TAFA2: variants seen among roughly 807,000 people sequenced by gnomAD.
The protein encoded by TAFA2 is TAFA chemokine like family member 2, also known as chemokine-like protein TAFA-2.
TAFA2 carries 7 observed loss-of-function variants against 18.8 expected under a neutral mutation model. The observed-to-expected ratio is 0.37, with a 90% CI of 0.21 to 0.70. The LOEUF (loss-of-function observed/expected upper bound fraction) is 0.70, where lower values mean the gene tolerates loss of function less well. TAFA2 is among the 30% of genes least tolerant of loss of function. The probability of loss-of-function intolerance (pLI) is 0.53; values close to 1 mark genes in which losing one functional copy is unlikely to be tolerated. For synonymous variants in TAFA2, 60 were observed against 54.2 expected, an observed-to-expected ratio of 1.11 and a Z score of -0.47; for missense variants, 122 against 158.1, an observed-to-expected ratio of 0.77 and a Z score of 1.23.
chr12:61,971,162 C>A (rs1879234027), intron 1 of TAFA2, among the ~76,000 whole-genome samples: 1 of 151,504 alleles, frequency 6.6e-6, no homozygotes, highest in South Asian at 2.1e-4. Context: ...GAAAATCACA[C>A]AGGAAAGGGT....
chr12:61,984,773 T>G (rs1024270428), intron 1 of TAFA2, among the ~76,000 whole-genome samples: 1 of 152,208 alleles, frequency 6.6e-6, no homozygotes, highest in Non-Finnish European at 1.5e-5. Context: ...GCTGGAAATG[T>G]TTCAGTGGTT....
intron 4 of TAFA2, among the ~76,000 whole-genome samples, chr12:61,715,717 G>A (rs1021987232): frequency 1.3e-5 from 2 of 149,088 alleles, no homozygotes; most frequent in Non-Finnish European, 3.0e-5. Flanking sequence ...AGACCAGCCC[G>A]GGCAACATGG....
At chr12:61,906,558 C>A (rs968842235) in intron 1 of TAFA2, among the ~76,000 whole-genome samples, 1 of 152,060 alleles carries the variant, frequency 6.6e-6, no homozygotes, top group Non-Finnish European at 1.5e-5. Flanking sequence ...TGAGAACAGA[C>A]TAATACAGTA....
intron 4 of TAFA2, among the ~76,000 whole-genome samples, chr12:61,722,836 T>C (rs1457169654): frequency 1.3e-5 from 2 of 152,134 alleles, no homozygotes; most frequent in African/African-American, 2.4e-5. Flanking sequence ...ATTGCAATAA[T>C]GCCCTGACTT....
At chr12:62,245,784 A>G (rs1388786920) in intron 1 of TAFA2, among the ~76,000 whole-genome samples, 1 of 148,482 alleles carries the variant, frequency 6.7e-6, no homozygotes, top group Non-Finnish European at 1.5e-5. Flanking sequence ...ATGCCTTTTC[A>G]AAAGATCAGA....
chr12:61,887,982 C>T (rs1279728307), intron 1 of TAFA2, among the ~76,000 whole-genome samples: 3 of 151,956 alleles, frequency 2.0e-5, no homozygotes, highest in Non-Finnish European at 4.4e-5. Context: ...TGAAAAAATG[C>T]TCACCATCAC....
Position 62,047,249 on chromosome 12 carries a change from A to G in TAFA2, c.-2+144010T>C, listed in dbSNP as rs532703760. On this transcript the variant is annotated intron_variant, in intron 1 of 4. Coordinates refer to ENST00000416284, the MANE Select transcript of TAFA2 (RefSeq NM_178539.5). ...AGAAAGAGAAGAAAGAAGAGCAAAC[A>G]AAGGAAGGCTAGGTCGCAGAAAGCC... Among the ~76,000 whole-genome samples the G allele has an allele frequency of 4.6e-5, 7 of 152,266 alleles. No individual in the cohort carries two copies. The East Asian group carries it at 1.4e-3, about 29-fold the overall frequency.
chr12:62,175,416 A>C (rs1055592657), intron 1 of TAFA2, among the ~76,000 whole-genome samples: 4 of 152,158 alleles, frequency 2.6e-5, no homozygotes, highest in Non-Finnish European at 4.4e-5. Context: ...AATATATAAG[A>C]CTATAAAAAA....
chr12:62,168,279 C>G (rs986738742), intron 1 of TAFA2, among the ~76,000 whole-genome samples: 10 of 152,128 alleles, frequency 6.6e-5, no homozygotes, highest in African/African-American at 2.4e-4. Context: ...TTAGTGGCTA[C>G]TAGCATCAAT....
intron 1 of TAFA2, among the ~76,000 whole-genome samples, chr12:62,244,836 G>A (rs983271614): frequency 6.6e-6 from 1 of 152,066 alleles, no homozygotes; most frequent in African/African-American, 2.4e-5. Context: ...GTTTTGGTAT[G>A]TTTATTGTCA....
chr12:61,859,495 G>A (rs1874033409), intron 2 of TAFA2, among the ~76,000 whole-genome samples: 1 of 152,208 alleles, frequency 6.6e-6, no homozygotes, highest in Non-Finnish European at 1.5e-5. Context: ...CCAGGCTGGA[G>A]TGCAGTGGCG....
At chr12:62,040,822 A>G (rs1363276437) in intron 1 of TAFA2, among the ~76,000 whole-genome samples, 1 of 152,196 alleles carries the variant, frequency 6.6e-6, no homozygotes, top group Non-Finnish European at 1.5e-5. Context: ...ATAGGACTGA[A>G]GAGGTCAAAC....
intron 1 of TAFA2, among the ~76,000 whole-genome samples, chr12:61,954,242 T>C (rs1233225483): frequency 1.3e-5 from 2 of 152,118 alleles, no homozygotes; most frequent in African/African-American, 2.4e-5. Flanking sequence ...TGGATTTATA[T>C]AGAAATAAAG....
chr12:62,046,308 A>C (rs1330962340), intron 1 of TAFA2, among the ~76,000 whole-genome samples: 1 of 152,110 alleles, frequency 6.6e-6, no homozygotes, highest in East Asian at 1.9e-4. Context: ...CTCTTGGCTC[A>C]CTGATCAGAA....
At chr12:61,795,583 G>T (rs375754828) in intron 2 of TAFA2, among the ~76,000 whole-genome samples, 3 of 151,994 alleles carry the variant, frequency 2.0e-5, no homozygotes, top group Non-Finnish European at 4.4e-5. Context: ...CCTGTTGGGT[G>T]GGGGAGGAGG....
intron 1 of TAFA2, among the ~76,000 whole-genome samples, chr12:62,087,714 CAGG>C (rs1270058234): frequency 6.6e-6 from 1 of 151,948 alleles, no homozygotes; most frequent in Non-Finnish European, 1.5e-5. Flanking sequence ...GATTTTTGAG[CAGG>C]AGAATTAAGT....
intron 1 of TAFA2, among the ~76,000 whole-genome samples, chr12:61,926,632 G>A (rs571267066): frequency 1.6e-4 from 24 of 152,210 alleles, no homozygotes; most frequent in African/African-American, 3.4e-4. Flanking sequence ...AAAGGCCTTC[G>A]ATAAAATCCA....
At chr12:61,730,960 A>T (rs569398485) in intron 4 of TAFA2, among the ~76,000 whole-genome samples, 66 of 152,130 alleles carry the variant, frequency 4.3e-4, no homozygotes, top group African/African-American at 1.5e-3. Flanking sequence ...CCAGGAAATT[A>T]GCACTCAGTT....
chr12:62,026,635 C>G (rs1052289019), intron 1 of TAFA2, among the ~76,000 whole-genome samples: 1 of 151,994 alleles, frequency 6.6e-6, no homozygotes, highest in African/African-American at 2.4e-5. Flanking sequence ...GTTTGCAGAG[C>G]CTGGGAGACA....
Sources: gnomAD v4.1 joint callset for allele counts (sites outside exome capture counted in the v4.1 genomes callset) on GRCh38, gnomAD v4.1.1 for gene constraint, MANE v1.5 for transcripts, NCBI Gene and HGNC (gene_info 2026-07-23, HGNC 2026-07-21) for gene names.